Variants in GDPD4 observed in about 807,000 individuals in gnomAD.
The protein encoded by GDPD4 is glycerophosphodiester phosphodiesterase domain containing 4.
In GDPD4, 60 loss-of-function variants were observed where a neutral mutation model predicts 67.8. The observed-to-expected ratio is 0.88, with a 90% CI of 0.72 to 1.10. GDPD4 has a LOEUF of 1.10. Among genes scored for constraint, GDPD4 ranks in the 50% least tolerant of loss-of-function variants. The pLI is 0.00. For missense variants in GDPD4, 623 were observed against 613.9 expected (o/e 1.01, Z -0.16); for synonymous variants, 212 against 210.9 (o/e 1.00, Z -0.04).
rs11237135 is a variant in GDPD4, at chr11:77,225,402, T to A, written c.1525+2462A>T. Among the ~76,000 whole-genome samples the A allele has an allele frequency of 3.1e-4, 47 of 151,134 alleles. No individual in the cohort carries two copies. In the East Asian group the frequency reaches 6.4e-3, roughly 21 times the overall value. On this transcript the variant is annotated intron_variant, in intron 16 of 16. Transcript: ENST00000315938. ...CAGTGGTGGAGCAGAGGCAGAAAAA[T>A]ATTTGAAGAAATAAAGACTAAAATT...
intron 13 of GDPD4, among the ~76,000 whole-genome samples, chr11:77,237,436 C>T (rs184370531): frequency 1.7e-4 from 26 of 152,288 alleles, no homozygotes; most frequent in African/African-American, 5.5e-4. Flanking sequence ...AAAAGCCTAT[C>T]AACCAACTTG....
chr11:77,229,628 G>C (rs562551349), intron 14 of GDPD4, among the ~76,000 whole-genome samples: 1 of 152,160 alleles, frequency 6.6e-6, no homozygotes, highest in Non-Finnish European at 1.5e-5. Context: ...CAAGTCTCCC[G>C]GGGCAGCTTT....
rs2098094343 is a variant in GDPD4 at position 77,270,063 on chromosome 11, A to G, written c.401-103T>C. 14 of 608,164 alleles carry G rather than the reference A, an allele frequency of 2.3e-5. No homozygotes were observed. The South Asian group carries it at 3.0e-4, about 13-fold the overall frequency. 37.7% of individuals were successfully genotyped at this position (608,164 alleles called of 1,614,324 possible). Reference sequence around the variant, plus strand: ...ATTTACCCTCCACACACAAGCATATATATATAAACACACAATGGCAGCACT... The same window carrying G: ...ATTTACCCTCCACACACAAGCATATGTATATAAACACACAATGGCAGCACT... On this transcript the variant is annotated intron_variant, in intron 7 of 16. Transcript: ENST00000315938.
rs186046748 is a variant in GDPD4, at chr11:77,273,583, C to T, written c.208-2190G>A. On this transcript the variant is annotated intron_variant, in intron 5 of 16. Transcript: ENST00000315938. Reference sequence around the variant, plus strand: ...AGGGTGCTAGACAAGGAAAAGAGAACATAATTTTAGACCAGACTAAATTTA... The same window carrying T: ...AGGGTGCTAGACAAGGAAAAGAGAATATAATTTTAGACCAGACTAAATTTA... Among the ~76,000 whole-genome samples, 17 of 152,292 alleles carry T rather than the reference C, an allele frequency of 1.1e-4. No homozygotes were observed. In the East Asian group the frequency reaches 3.1e-3, roughly 28 times the overall value.
intron 11 of GDPD4, among the ~76,000 whole-genome samples, chr11:77,249,264 C>CAAAAAA (rs34998852): frequency 1.3e-5 from 1 of 77,784 alleles, no homozygotes; most frequent in African/African-American, 5.0e-5. Flanking sequence ...GACTCCATCT[C>CAAAAAA]AAAAAAAAAA....
At chr11:77,247,745 T>C (rs1958806302) in intron 11 of GDPD4, among the ~76,000 whole-genome samples, 1 of 152,064 alleles carries the variant, frequency 6.6e-6, no homozygotes, top group Admixed American at 6.5e-5. Flanking sequence ...CAATGTATAA[T>C]ATTGGTTAAG....
chr11:77,255,236 AT>A (rs900674989), intron 11 of GDPD4, among the ~76,000 whole-genome samples: 74 of 152,268 alleles, frequency 4.9e-4, no homozygotes, highest in African/African-American at 1.7e-3. Flanking sequence ...TAACCCAAAC[AT>A]TCAAAACTGG....
chr11:77,292,383 G>T (rs1353714622), intron 1 of GDPD4, among the ~76,000 whole-genome samples: 1 of 151,760 alleles, frequency 6.6e-6, no homozygotes, highest in East Asian at 1.9e-4. Flanking sequence ...AATCAAAAGG[G>T]AAATTAAAAC....
intron 11 of GDPD4, among the ~76,000 whole-genome samples, chr11:77,252,051 T>TTTTTTTTTTG (rs1565523186): frequency 2.5e-5 from 2 of 79,088 alleles, no homozygotes. Context: ...TTTTTGTTTG[T>TTTTTTTTTTG]TTGTTTTTTT....
intron 10 of GDPD4, among the ~76,000 whole-genome samples, chr11:77,265,796 A>AC (rs1477607023): frequency 6.6e-6 from 1 of 152,142 alleles, no homozygotes; most frequent in Non-Finnish European, 1.5e-5. Context: ...GTTTTGTGTT[A>AC]CCTTTTAAAG....
chr11:77,241,564 G>A (rs1483413265), intron 13 of GDPD4, among the ~76,000 whole-genome samples: 1 of 146,106 alleles, frequency 6.8e-6, no homozygotes, highest in Non-Finnish European at 1.5e-5. Context: ...CTTGAGCCCA[G>A]GAAGTAGAGG....
At chr11:77,254,050 T>C (rs2135854400) in intron 11 of GDPD4, among the ~76,000 whole-genome samples, 1 of 152,250 alleles carries the variant, frequency 6.6e-6, no homozygotes, top group East Asian at 1.9e-4. Context: ...GAAGGGGTGC[T>C]GTGGCTACTC....
chr11:77,258,982 G>GGTTGTT (rs1475208303), intron 10 of GDPD4, among the ~76,000 whole-genome samples: 1 of 152,012 alleles, frequency 6.6e-6, no homozygotes, highest in Non-Finnish European at 1.5e-5. Flanking sequence ...TTGTTTGCTT[G>GGTTGTT]GTTTTTGTTT....
At chr11:77,285,875 A>T (rs1959972891) in intron 2 of GDPD4, among the ~76,000 whole-genome samples, 1 of 152,240 alleles carries the variant, frequency 6.6e-6, no homozygotes, top group Non-Finnish European at 1.5e-5. Context: ...GGTTATCATT[A>T]TGGAGAAGGT....
chr11:77,296,053 C>A (rs1247292875), intron 1 of GDPD4, among the ~76,000 whole-genome samples: 1 of 151,758 alleles, frequency 6.6e-6, no homozygotes, highest in Non-Finnish European at 1.5e-5. Context: ...AGATTGAGAC[C>A]ATCCCGACTA....
intron 1 of GDPD4, among the ~76,000 whole-genome samples, chr11:77,290,375 A>G (rs1937732252): frequency 6.6e-6 from 1 of 152,340 alleles, no homozygotes; most frequent in Non-Finnish European, 1.5e-5. Context: ...TCACAAAACA[A>G]GTCTAAACAA....
chr11:77,226,648 A>C (rs1349637500), intron 16 of GDPD4, among the ~76,000 whole-genome samples: 3 of 152,154 alleles, frequency 2.0e-5, no homozygotes, highest in Non-Finnish European at 4.4e-5. Context: ...CTAGCTTACT[A>C]AGGAACAACT....
intron 13 of GDPD4, among the ~76,000 whole-genome samples, chr11:77,236,705 AAG>A (rs1398935991): frequency 3.3e-5 from 5 of 151,596 alleles, no homozygotes; most frequent in Non-Finnish European, 7.4e-5. Context: ...CACCCAATAA[AAG>A]AGTTTCAAAA....
chr11:77,236,962 A>T (rs1250250677), intron 13 of GDPD4, among the ~76,000 whole-genome samples: 1 of 152,198 alleles, frequency 6.6e-6, no homozygotes, highest in Non-Finnish European at 1.5e-5. Flanking sequence ...AATAATATTT[A>T]CCAGGAAGAG....
Sources: allele counts gnomAD v4.1 joint callset (sites outside exome capture counted in the v4.1 genomes callset), GRCh38; gene constraint gnomAD v4.1.1; transcripts MANE v1.5; gene names NCBI Gene and HGNC (gene_info 2026-07-23, HGNC 2026-07-21).